Variants in PIKFYVE observed in about 807,000 individuals in gnomAD.
PIKFYVE encodes the protein phosphoinositide kinase, FYVE-type zinc finger containing.
In PIKFYVE, 122 loss-of-function variants were observed where a neutral mutation model predicts 257.9. The observed-to-expected ratio is 0.47, with a 90% CI of 0.41 to 0.55. The LOEUF is 0.55. Ranked by LOEUF, PIKFYVE falls within the 20% of genes least tolerant of loss-of-function variation. The pLI, the probability that PIKFYVE is intolerant of heterozygous loss-of-function variation, is 0.00. For synonymous variants in PIKFYVE, 892 were observed against 868.9 expected (o/e 1.03, Z -0.47); for missense variants, 2,160 against 2,536.6 (o/e 0.85, Z 3.19).
intron 39 of PIKFYVE, 106 bp downstream of exon 39, chr2:208,352,888 T>G (rs1451941191): frequency 7.1e-7 from 1 of 1,414,640 alleles, no homozygotes; most frequent in African/African-American, 1.4e-5. Context: ...ATAGTAAATA[T>G]TTAACTTTGG....
At chr2:208,320,015 A>C (rs1403977349) in intron 16 of PIKFYVE, among the ~76,000 whole-genome samples, 6 of 152,180 alleles carry the variant, frequency 3.9e-5, no homozygotes, top group African/African-American at 1.4e-4. Context: ...ATAGAAGATC[A>C]AAGTAGTATT....
intron 14 of PIKFYVE, 48 bp from the exon 15 acceptor site, chr2:208,315,145 T>A (rs1695350500): frequency 6.7e-7 from 1 of 1,488,602 alleles, no homozygotes; most frequent in Non-Finnish European, 9.3e-7. Flanking sequence ...AATTATTGTC[T>A]CTGGCAGTAT....
rs928995132 is a variant in PIKFYVE at position 208,358,385 on chromosome 2, A to ATGTTTT, written c.*3094_*3099dup. ...TGCAGTATTCAAACCATCTAGTGCA[A>ATGTTTT]TGTTTTTGTTTTTGTTTTTTTTTTG... On this transcript the variant is annotated 3_prime_UTR_variant, in exon 42 of 42. Transcript: ENST00000264380. The ATGTTTT allele has an allele frequency of 1.5e-4, 8 of 55,066 alleles. No homozygotes were observed. The highest frequency in any genetic ancestry group is 3.9e-4 in the African/African-American group (8 of 20,762). The allele number at this position is 55,066 out of a possible 1,614,324, so 3.4% of individuals were successfully genotyped here. A position where few individuals can be genotyped will look rare whatever the true frequency, so the allele number is the denominator to read the frequency against.
At chr2:208,288,476 A>G (rs990698975) in intron 6 of PIKFYVE, among the ~76,000 whole-genome samples, 6 of 152,210 alleles carry the variant, frequency 3.9e-5, no homozygotes, top group African/African-American at 1.4e-4. Context: ...CCATCCAACT[A>G]ACTTTATTTA....
intron 8 of PIKFYVE, among the ~76,000 whole-genome samples, chr2:208,299,457 T>G (rs1197575523): frequency 1.3e-5 from 2 of 152,054 alleles, no homozygotes; most frequent in African/African-American, 4.8e-5. Flanking sequence ...ACTGAGCTAA[T>G]TTTTGTATTT....
rs185017604 is a variant in PIKFYVE, at chr2:208,302,169, G to C, written c.1209-73G>C. The stretch of plus-strand genomic sequence containing the variant: ...TAGAACTGAAAAAAAATATTTTAAG[G>C]TTGTGTCTTATCTGGTACTTAACTA... On this transcript the variant is annotated intron_variant, in intron 9 of 41. Coordinates refer to ENST00000264380, the MANE Select transcript of PIKFYVE (RefSeq NM_015040.4). 27 of 1,280,492 alleles carry C rather than the reference G, an allele frequency of 2.1e-5. No homozygotes were observed. The Admixed American group carries it at 3.4e-4, about 16-fold the overall frequency. 79.3% of individuals were successfully genotyped at this position (1,280,492 alleles called of 1,614,324 possible). A position where few individuals can be genotyped will look rare whatever the true frequency, so the allele number is the denominator to read the frequency against.
intron 17 of PIKFYVE, among the ~76,000 whole-genome samples, chr2:208,323,891 G>T (rs1696602914): frequency 6.6e-6 from 1 of 152,156 alleles, no homozygotes; most frequent in Non-Finnish European, 1.5e-5. Context: ...TGTGTCTGTT[G>T]GGTGCATAAA....
intron 33 of PIKFYVE, 144 bp from the exon 34 acceptor site, chr2:208,345,906 A>G: frequency 3.1e-6 from 2 of 640,014 alleles, no homozygotes; most frequent in Non-Finnish European, 2.8e-6. Context: ...GTGTTTATGT[A>G]AATTATGAAT....
In PIKFYVE at chr2:208,336,032, T is replaced by C. The variant is rs749025620; in HGVS notation, c.4366-14T>C. ...ATAGTGTCTGTCTCCTGAAGTTGTT[T>C]CTGTTCCTTGTAGATGGAAGAAGGT... On this transcript the variant is annotated splice_polypyrimidine_tract_variant and intron_variant, in intron 26 of 41. Coordinates refer to ENST00000264380, the MANE Select transcript of PIKFYVE (RefSeq NM_015040.4). The C allele has an allele frequency of 1.2e-6, 2 of 1,614,058 alleles. No homozygotes were observed. Among genetic ancestry groups the C allele is most frequent in the Non-Finnish European group, 1.7e-6 (2 of 1,179,956 alleles).
intron 40 of PIKFYVE, 121 bp from the exon 41 acceptor site, chr2:208,354,450 A>G: frequency 2.0e-6 from 2 of 989,850 alleles, no homozygotes; most frequent in African/African-American, 1.6e-5. Flanking sequence ...CACTTGGCAC[A>G]TTGTTAGCAC....
At chr2:208,339,578 C>G (rs1325858644) in intron 30 of PIKFYVE, 23 bp downstream of exon 30, 1 of 1,613,182 alleles carries the variant, frequency 6.2e-7, no homozygotes, top group African/African-American at 1.3e-5. Context: ...TCACTTTTAC[C>G]ATATTTCATT....
rs1455639325 is a variant in PIKFYVE at position 208,298,674 on chromosome 2, A to C, written c.945A>C (p.Arg315Ser). The change falls in exon 8 of 42, where the codon AGA becomes AGC. Residue 315 changes from arginine (R) to serine (S), a missense_variant. This residue lies in a region of PIKFYVE where 187 missense variants were observed against 185.6 expected (regional missense o/e 1.01). Coordinates refer to ENST00000264380, the MANE Select transcript of PIKFYVE (RefSeq NM_015040.4). The part of the protein sequence containing the change: ...SASITNLSLD[R>S]SGSPMVPSYE... ...GCATTACTAACCTGTCACTGGATAG[A>C]TCTGGTTCTCCTATGGTACCTTCAT... 6.2e-7 allele frequency: 1 copy of C among 1,614,110 alleles called. No homozygotes were observed. Among genetic ancestry groups the C allele is most frequent in the East Asian group, 2.2e-5 (1 of 44,884 alleles).
At chr2:208,338,887 T>TTAA (rs1698430713) in intron 29 of PIKFYVE, among the ~76,000 whole-genome samples, 1 of 152,210 alleles carries the variant, frequency 6.6e-6, no homozygotes, top group Non-Finnish European at 1.5e-5. Flanking sequence ...CTTATAAAGT[T>TTAA]TAATTTACAT....
chr2:208,346,254 A>G (rs1699221782), intron 34 of PIKFYVE, 107 bp downstream of exon 34: 2 of 859,832 alleles, frequency 2.3e-6, no homozygotes, highest in South Asian at 2.9e-5. Context: ...ATGATTTACT[A>G]CTTATGATCT....
chr2:208,283,953 T>G (rs978815744), intron 5 of PIKFYVE, among the ~76,000 whole-genome samples: 1 of 152,182 alleles, frequency 6.6e-6, no homozygotes, highest in Non-Finnish European at 1.5e-5. Context: ...AAAAGGCCAT[T>G]TTGGTAGTGA....
At chr2:208,288,014 A>G (rs1034797208) in intron 6 of PIKFYVE, among the ~76,000 whole-genome samples, 2 of 152,244 alleles carry the variant, frequency 1.3e-5, no homozygotes, top group African/African-American at 4.8e-5. Context: ...TATGAAGTAT[A>G]GAGTTTTTTT....
intron 13 of PIKFYVE, among the ~76,000 whole-genome samples, chr2:208,313,097 TCTG>T (rs754374926): frequency 2.0e-5 from 3 of 152,246 alleles, no homozygotes; most frequent in African/African-American, 7.2e-5. Flanking sequence ...TACTGTGTAA[TCTG>T]CTGGGCTGTT....
intron 37 of PIKFYVE, 122 bp from the exon 38 acceptor site, chr2:208,351,230 A>G (rs1574765592): frequency 6.4e-6 from 6 of 933,808 alleles, no homozygotes; most frequent in Non-Finnish European, 1.0e-5. Flanking sequence ...TTTCACTGTG[A>G]CATTAGAAAA....
chr2:208,351,566 G>C, intron 38 of PIKFYVE, 111 bp downstream of exon 38: 2 of 934,072 alleles, frequency 2.1e-6, no homozygotes, highest in Admixed American at 3.4e-5. Flanking sequence ...CTGAGGCTGG[G>C]TAATTTGTAA....
Sources: gnomAD v4.1 joint callset for allele counts (sites outside exome capture counted in the v4.1 genomes callset) on GRCh38, gnomAD v4.1.1 for gene constraint, gnomAD v4.1.1 regional missense constraint, MANE v1.5 for transcripts, NCBI Gene and HGNC (gene_info 2026-07-23, HGNC 2026-07-21) for gene names.